The following CDH23 variants were observed in gnomAD, a reference collection of about 807,000 sequenced individuals.
CDH23 encodes the protein cadherin related 23.
A neutral mutation model predicts 317.1 loss-of-function variants in CDH23; 189 were observed. That is an observed-to-expected ratio of 0.60 (90% CI 0.53 to 0.67). The LOEUF (loss-of-function observed/expected upper bound fraction) is 0.67, where lower values mean the gene tolerates loss of function less well. CDH23 is among the 30% of genes least tolerant of loss of function. CDH23 has a pLI of 0.00. For synonymous variants in CDH23, 1,839 were observed against 1,876.8 expected, an observed-to-expected ratio of 0.98 and a Z score of 0.52; for missense variants, 4,401 against 4,592.4, an observed-to-expected ratio of 0.96 and a Z score of 1.20.
At chr10:71,535,861 G>A (rs115249158) in intron 6 of CDH23, among the ~76,000 whole-genome samples, 1 of 152,390 alleles carries the variant, frequency 6.6e-6, no homozygotes, top group African/African-American at 2.4e-5. Flanking sequence ...TGCATAGGCA[G>A]CTCTCTCCAC....
intron 3 of CDH23, among the ~76,000 whole-genome samples, chr10:71,509,374 A>T (rs1853823627): frequency 6.6e-6 from 1 of 152,254 alleles, no homozygotes; most frequent in African/African-American, 2.4e-5. Context: ...ATTAGCTCAT[A>T]TAGCTGAGAA....
At chr10:71,579,035 T>C (rs897640278) in intron 9 of CDH23, among the ~76,000 whole-genome samples, 2 of 152,172 alleles carry the variant, frequency 1.3e-5, no homozygotes, top group Non-Finnish European at 2.9e-5. Flanking sequence ...CTCCATAAAA[T>C]TGGAGCAACA....
chr10:71,582,607 C>T (rs747405677), intron 9 of CDH23, among the ~76,000 whole-genome samples: 2 of 152,168 alleles, frequency 1.3e-5, no homozygotes, highest in Non-Finnish European at 1.5e-5. Context: ...TCTAAGCATC[C>T]GTTTTCCAAT....
chr10:71,667,422 T>G, intron 14 of CDH23, among the ~76,000 whole-genome samples: 3 of 142,130 alleles, frequency 2.1e-5, no homozygotes, highest in South Asian at 2.3e-4. Flanking sequence ...GGGGTGGAGG[T>G]GTGGGAGACC....
intron 44 of CDH23, among the ~76,000 whole-genome samples, chr10:71,787,880 G>T (rs1487349855): frequency 6.6e-6 from 1 of 152,206 alleles, no homozygotes; most frequent in East Asian, 1.9e-4. Flanking sequence ...ATATAACGAT[G>T]TATTTCCCTT....
Position 71,811,414 on chromosome 10 carries a change from G to A in CDH23, c.9177G>A (p.Pro3059=), listed in dbSNP as rs371609236. The change falls in exon 63 of 70, where the codon CCG becomes CCA. Residue 3059 remains proline (P), a synonymous_variant. Coordinates refer to ENST00000224721, the MANE Select transcript of CDH23 (RefSeq NM_022124.6). ...DVQPAISVRL[P]DDMSALQMAI... is the part of the protein sequence containing the mutation. Reference sequence around the variant, plus strand: ...AGCCTGCCATCTCTGTCCGGCTGCCGGATGACATGTCTGCCCTGCAGGTAC... The same window carrying A: ...AGCCTGCCATCTCTGTCCGGCTGCCAGATGACATGTCTGCCCTGCAGGTAC... The A allele has an allele frequency of 4.5e-5, 72 of 1,613,966 alleles. No individual in the cohort carries two copies. In the East Asian group the frequency reaches 4.7e-4, roughly 10 times the overall value.
intron 9 of CDH23, among the ~76,000 whole-genome samples, chr10:71,599,656 A>G (rs1003190753): frequency 3.0e-4 from 46 of 152,180 alleles, no homozygotes; most frequent in African/African-American, 1.0e-3. Context: ...TTTCCATAGT[A>G]AAACTTTTAT....
intron 21 of CDH23, among the ~76,000 whole-genome samples, chr10:71,695,113 T>C (rs976432813): frequency 1.3e-5 from 2 of 152,194 alleles, no homozygotes; most frequent in African/African-American, 2.4e-5. Flanking sequence ...ACCCTGTCAG[T>C]CACCTTCAGC....
chr10:71,638,261 T>TC (rs1862369152), intron 11 of CDH23, among the ~76,000 whole-genome samples: 1 of 152,090 alleles, frequency 6.6e-6, no homozygotes, highest in Non-Finnish European at 1.5e-5. Context: ...TGTGCTCTCT[T>TC]AACATTGCGT....
chr10:71,465,633 C>T (rs570921106), intron 3 of CDH23, among the ~76,000 whole-genome samples: 6 of 152,328 alleles, frequency 3.9e-5, no homozygotes, highest in African/African-American at 1.4e-4. Flanking sequence ...TGAATTTTTA[C>T]CGCTGTTTAC....
At chr10:71,710,674 G>A (rs1459582379) in intron 27 of CDH23, among the ~76,000 whole-genome samples, 1 of 152,246 alleles carries the variant, frequency 6.6e-6, no homozygotes, top group Non-Finnish European at 1.5e-5. Context: ...AACAAGGGGT[G>A]CCCACTGCAG....
intron 6 of CDH23, among the ~76,000 whole-genome samples, chr10:71,524,436 G>A (rs371412621): frequency 4.6e-5 from 7 of 152,210 alleles, no homozygotes; most frequent in African/African-American, 1.2e-4. Flanking sequence ...CTGCCAGGCC[G>A]TGGGAGAAGG....
At chr10:71,430,074 C>T (rs1179115590) in intron 1 of CDH23, among the ~76,000 whole-genome samples, 2 of 152,088 alleles carry the variant, frequency 1.3e-5, no homozygotes, top group Non-Finnish European at 2.9e-5. Flanking sequence ...GGTCAGGGCA[C>T]AGGGAGAACA....
At chr10:71,759,637 G>C (rs913836245) in intron 38 of CDH23, among the ~76,000 whole-genome samples, 3 of 151,582 alleles carry the variant, frequency 2.0e-5, no homozygotes, top group African/African-American at 7.3e-5. Context: ...TGAAACCCCA[G>C]CTCCACTAAA....
At chr10:71,582,662 G>A (rs957537842) in intron 9 of CDH23, among the ~76,000 whole-genome samples, 2 of 152,108 alleles carry the variant, frequency 1.3e-5, no homozygotes, top group African/African-American at 4.8e-5. Context: ...GCCTGTGGGG[G>A]TTTAGTGAGC....
intron 3 of CDH23, among the ~76,000 whole-genome samples, chr10:71,493,037 A>G (rs757845080): frequency 2.2e-4 from 33 of 152,194 alleles, no homozygotes; most frequent in Non-Finnish European, 3.8e-4. Flanking sequence ...CTGTGGGCAC[A>G]CTACTCAGCA....
chr10:71,724,329 G>C lies in CDH23; in HGVS notation c.3430+224G>C, dbSNP rs543792343. ...TGTTTTTGAGACGGAGTCTCCCTCT[G>C]TCGCCCAGGCTGGAGTGCAGTGGCG... On this transcript the variant is annotated intron_variant, in intron 29 of 69. Transcript: ENST00000224721. Among the ~76,000 whole-genome samples the C allele has an allele frequency of 3.3e-5, 5 of 152,334 alleles. No homozygotes were observed. The East Asian group carries it at 9.7e-4, about 29-fold the overall frequency.
At chr10:71,582,243 C>G (rs956922703) in intron 9 of CDH23, among the ~76,000 whole-genome samples, 8 of 152,170 alleles carry the variant, frequency 5.3e-5, no homozygotes, top group Admixed American at 2.0e-4. Context: ...CTGTGCCGGC[C>G]AGTGCATTTG....
intron 9 of CDH23, among the ~76,000 whole-genome samples, chr10:71,605,364 G>A (rs1238523525): frequency 6.6e-6 from 1 of 152,092 alleles, no homozygotes; most frequent in Non-Finnish European, 1.5e-5. Context: ...GGAGACATTT[G>A]GCAATGTCTG....
Sources: allele counts gnomAD v4.1 joint callset (sites outside exome capture counted in the v4.1 genomes callset), GRCh38; gene constraint gnomAD v4.1.1; transcripts MANE v1.5; gene names NCBI Gene and HGNC (gene_info 2026-07-23, HGNC 2026-07-21).